MEGF11: variants seen among roughly 807,000 people sequenced by gnomAD.
MEGF11 encodes multiple epidermal growth factor-like domains protein 11.
Under a neutral mutation model 146.6 loss-of-function variants are expected in MEGF11, and 126 were observed. That is an observed-to-expected ratio of 0.86 (90% confidence interval 0.74 to 1.00). The LOEUF (loss-of-function observed/expected upper bound fraction) is 1.00. MEGF11 is among the 50% of genes least tolerant of loss of function. The probability of loss-of-function intolerance (pLI) is 0.00; values close to 1 mark genes in which losing one functional copy is unlikely to be tolerated. For synonymous variants in MEGF11, 532 were observed against 583.4 expected, an observed-to-expected ratio of 0.91 and a Z score of 1.27; for missense variants, 1,509 against 1,521.2, an observed-to-expected ratio of 0.99 and a Z score of 0.13.
chr15:66,130,674 A>AAGGG (rs2088603966), intron 1 of MEGF11, among the ~76,000 whole-genome samples: 1 of 142,010 alleles, frequency 7.0e-6, no homozygotes, highest in South Asian at 2.3e-4. Context: ...GGAAGGAAGG[A>AAGGG]AAAGGAAAGG....
chr15:66,244,196 C>CGCA (rs765716518), intron 1 of MEGF11, among the ~76,000 whole-genome samples: 15 of 152,158 alleles, frequency 9.9e-5, no homozygotes, highest in African/African-American at 1.4e-4. Context: ...TCATCTCTCC[C>CGCA]GCAGTAAACA....
intron 5 of MEGF11, 146 bp downstream of exon 5, chr15:66,094,256 C>T (rs952185597): frequency 5.0e-6 from 3 of 605,072 alleles, no homozygotes; most frequent in Non-Finnish European, 8.9e-6. Context: ...TGTAGGTATA[C>T]CTCCTCCCTG....
chr15:65,942,649 T>C (rs1314622795), intron 10 of MEGF11, among the ~76,000 whole-genome samples: 1 of 152,152 alleles, frequency 6.6e-6, no homozygotes, highest in Non-Finnish European at 1.5e-5. Flanking sequence ...AGGAGCTTCC[T>C]GCTGCAGCTT....
chr15:66,040,799 T>C (rs1329848164), intron 5 of MEGF11, among the ~76,000 whole-genome samples: 3 of 152,110 alleles, frequency 2.0e-5, no homozygotes, highest in South Asian at 2.1e-4. Flanking sequence ...AGGAACACCA[T>C]GCATGGTTAT....
In MEGF11 at chr15:66,150,823, C is replaced by CGAGAGAGA. The variant is rs66595752; in HGVS notation, c.-8-22420_-8-22413dup. ...CCTGGGCAATAGAGCAATGCCCTGT[C>CGAGAGAGA]GAGAGAGAGAGAGAGAGAGAGAGAG... is the stretch of plus-strand genomic sequence containing the variant. On this transcript the variant is annotated intron_variant, in intron 1 of 25. Transcript: ENST00000395614. Among the ~76,000 whole-genome samples, 66 of 104,354 alleles carry CGAGAGAGA rather than the reference C, an allele frequency of 6.3e-4. 2 individuals are homozygous for CGAGAGAGA. Among genetic ancestry groups the CGAGAGAGA allele is most frequent in the African/African-American group, 1.7e-3 (43 of 25,782 alleles). 68.5% of individuals were successfully genotyped at this position (104,354 alleles called of 152,430 possible).
intron 5 of MEGF11, among the ~76,000 whole-genome samples, chr15:66,069,280 A>G (rs1222583674): frequency 1.3e-5 from 2 of 152,158 alleles, no homozygotes; most frequent in Non-Finnish European, 2.9e-5. Flanking sequence ...GAAACTTTAT[A>G]TGTGATGCTT....
intron 5 of MEGF11, among the ~76,000 whole-genome samples, chr15:66,090,946 C>A (rs2086295254): frequency 6.6e-6 from 1 of 152,124 alleles, no homozygotes; most frequent in Non-Finnish European, 1.5e-5. Context: ...GATAAGCACC[C>A]AAATGCCAGC....
chr15:65,916,701 T>G, intron 17 of MEGF11, 127 bp downstream of exon 17: 1 of 1,476,252 alleles, frequency 6.8e-7, no homozygotes, highest in South Asian at 1.2e-5. Flanking sequence ...GGGGCAGGAG[T>G]CAGGTACCAC....
chr15:66,148,686 C>A (rs1480029232), intron 1 of MEGF11, among the ~76,000 whole-genome samples: 2 of 152,236 alleles, frequency 1.3e-5, no homozygotes, highest in African/African-American at 4.8e-5. Context: ...TCAGCCTGGG[C>A]AGTCTCTCCA....
In MEGF11 at chr15:66,155,584, C is replaced by T. The variant is rs182734548; in HGVS notation, c.-8-27173G>A. On this transcript the variant is annotated intron_variant, in intron 1 of 25. Transcript: ENST00000395614. ...CAGAGCTCCAGACTCATGTTTCCAGCGTCCTACTCAATCTCTCCATGTGGA... is the reference window on the plus strand; with the variant it reads ...CAGAGCTCCAGACTCATGTTTCCAGTGTCCTACTCAATCTCTCCATGTGGA... Among the ~76,000 whole-genome samples the T allele has an allele frequency of 4.0e-4, 61 of 152,262 alleles. No homozygotes were observed. The Middle Eastern group carries it at 0.01, about 25-fold the overall frequency.
chr15:65,995,529 T>C (rs2082172495), intron 5 of MEGF11, among the ~76,000 whole-genome samples: 1 of 152,166 alleles, frequency 6.6e-6, no homozygotes, highest in South Asian at 2.1e-4. Flanking sequence ...CATTGGCCAG[T>C]AACAGCCCCT....
chr15:66,225,187 G>A (rs756868842), intron 1 of MEGF11, among the ~76,000 whole-genome samples: 93 of 152,330 alleles, frequency 6.1e-4, no homozygotes, highest in Non-Finnish European at 1.1e-3. Flanking sequence ...CTTGGTCACG[G>A]CCCAGCACCT....
At chr15:66,113,750 G>T (rs899306777) in intron 4 of MEGF11, among the ~76,000 whole-genome samples, 1 of 152,068 alleles carries the variant, frequency 6.6e-6, no homozygotes, top group African/African-American at 2.4e-5. Flanking sequence ...GTGCGGTGTC[G>T]GGCGCCTGTA....
At chr15:66,148,187 G>A (rs2089442997) in intron 1 of MEGF11, among the ~76,000 whole-genome samples, 1 of 152,112 alleles carries the variant, frequency 6.6e-6, no homozygotes, top group Non-Finnish European at 1.5e-5. Flanking sequence ...ATGTTGGCAG[G>A]GACTCCCTGA....
chr15:65,914,925 T>C (rs1271818852), intron 19 of MEGF11, among the ~76,000 whole-genome samples: 3 of 152,216 alleles, frequency 2.0e-5, no homozygotes, highest in South Asian at 2.1e-4. Flanking sequence ...CTCTTACTCA[T>C]ACTGTCTCAA....
chr15:65,905,152 CA>C (rs2078588787), intron 24 of MEGF11: 1 of 152,302 alleles, frequency 6.6e-6, no homozygotes, highest in South Asian at 2.1e-4. Context: ...CTCGGCCTCT[CA>C]AAGTGCTGAG....
intron 5 of MEGF11, among the ~76,000 whole-genome samples, chr15:65,993,914 C>T (rs749322170): frequency 2.6e-5 from 4 of 152,168 alleles, no homozygotes; most frequent in Admixed American, 2.0e-4. Flanking sequence ...CCCTTCCAGA[C>T]GTCAGTGTCC....
chr15:65,944,898 GTTTT>G (rs35017817), intron 10 of MEGF11, among the ~76,000 whole-genome samples: 23 of 134,316 alleles, frequency 1.7e-4, no homozygotes, highest in Admixed American at 1.4e-3. Context: ...AAACTCTCAG[GTTTT>G]TTTTTTTTTT....
At chr15:66,067,279 A>G (rs527932517) in intron 5 of MEGF11, among the ~76,000 whole-genome samples, 2 of 152,320 alleles carry the variant, frequency 1.3e-5, no homozygotes, top group South Asian at 4.1e-4. Context: ...TTACTACTGC[A>G]GTTATTATTA....
Sources: gnomAD v4.1 joint callset for allele counts (sites outside exome capture counted in the v4.1 genomes callset) on GRCh38, gnomAD v4.1.1 for gene constraint, MANE v1.5 for transcripts, NCBI Gene and HGNC (gene_info 2026-07-23, HGNC 2026-07-21) for gene names.